NFATC2: variants seen among roughly 807,000 people sequenced by gnomAD.
NFATC2 encodes nuclear factor of activated T-cells, cytoplasmic 2.
NFATC2 carries 22 observed loss-of-function variants against 87.3 expected under a neutral mutation model. That is an observed-to-expected ratio of 0.25 (90% confidence interval 0.18 to 0.36). The LOEUF is 0.36. Ranked by LOEUF, NFATC2 falls within the 10% of genes least tolerant of loss-of-function variation. The probability of loss-of-function intolerance (pLI) is 1.00; values close to 1 mark genes in which losing one functional copy is unlikely to be tolerated. For synonymous variants in NFATC2, 565 were observed against 542.2 expected (o/e 1.04, Z -0.58); for missense variants, 1,149 against 1,259.1 (o/e 0.91, Z 1.32).
At chr20:51,508,260 C>A (rs533039941) in intron 3 of NFATC2, among the ~76,000 whole-genome samples, 2 of 152,220 alleles carry the variant, frequency 1.3e-5, no homozygotes, top group South Asian at 2.1e-4. Flanking sequence ...GGTCTCACCA[C>A]GCCACCTCTC....
chr20:51,479,986 A>T (rs1224316602), intron 3 of NFATC2, among the ~76,000 whole-genome samples: 1 of 152,128 alleles, frequency 6.6e-6, no homozygotes, highest in African/African-American at 2.4e-5. Flanking sequence ...AAGGTGCAAC[A>T]TCAAGAATGT....
At chr20:51,556,949 C>A (rs2076983736) in intron 1 of NFATC2, among the ~76,000 whole-genome samples, 1 of 152,196 alleles carries the variant, frequency 6.6e-6, no homozygotes, top group South Asian at 2.1e-4. Context: ...GGAAGAGATT[C>A]CCCTGACTCC....
At chr20:51,427,085 G>A (rs568080830) in intron 9 of NFATC2, among the ~76,000 whole-genome samples, 3 of 151,666 alleles carry the variant, frequency 2.0e-5, no homozygotes, top group South Asian at 2.1e-4. Context: ...TCCAGAACGG[G>A]GTAAAACATC....
rs937305938 is a variant in NFATC2 at position 51,430,139 on chromosome 20, T to C, written c.2722+1928A>G. Among the ~76,000 whole-genome samples, 3 of 152,126 alleles carry C rather than the reference T, an allele frequency of 2.0e-5. No homozygotes were observed. The South Asian group carries it at 6.2e-4, about 32-fold the overall frequency. ...CTCACCATTTGCCTTTAACAAGGGA[T>C]GGACAGGGTAGGAGAGGCCAGTGTG... On this transcript the variant is annotated intron_variant, in intron 9 of 10. Transcript: ENST00000371564.
At chr20:51,474,941 A>G (rs1188745357) in intron 4 of NFATC2, among the ~76,000 whole-genome samples, 3 of 151,862 alleles carry the variant, frequency 2.0e-5, no homozygotes, top group African/African-American at 7.3e-5. Context: ...CCCGAGGCAC[A>G]TGAAAATACT....
In NFATC2 at chr20:51,435,064, T is replaced by G. The variant is rs1393457607; in HGVS notation, c.2032+124A>C. On this transcript the variant is annotated intron_variant, in intron 8 of 10. Transcript: ENST00000371564. ...GATGCTGTCTCACAGATGATGCAAC[T>G]GAGGCTCAGAGAGGTTGAGTCATCT... The G allele has an allele frequency of 2.8e-5, 33 of 1,198,572 alleles. No homozygotes were observed. The South Asian group carries it at 4.3e-4, about 16-fold the overall frequency. 74.2% of individuals were successfully genotyped at this position (1,198,572 alleles called of 1,614,324 possible).
rs117607618 is a variant in NFATC2 at position 51,459,357 on chromosome 20, G to A, written c.1709-4669C>T. ...TATCAATCGGCCAGAACAGGCAAAC[G>A]CAGAGAGACGGAGAGCAGATCGGGG... On this transcript the variant is annotated intron_variant, in intron 5 of 10. Coordinates refer to ENST00000371564, the MANE Select transcript of NFATC2 (RefSeq NM_012340.5). Among the ~76,000 whole-genome samples, 57 of 152,268 alleles carry A rather than the reference G, an allele frequency of 3.7e-4. 2 individuals are homozygous for A. The East Asian group carries it at 7.9e-3, about 21-fold the overall frequency.
intron 6 of NFATC2, among the ~76,000 whole-genome samples, chr20:51,440,538 CT>C (rs1239715381): frequency 6.6e-6 from 1 of 152,182 alleles, no homozygotes; most frequent in Non-Finnish European, 1.5e-5. Flanking sequence ...CAAAGTGGGT[CT>C]TTTCACCATT....
At chr20:51,548,345 T>C (rs906420226) in intron 1 of NFATC2, among the ~76,000 whole-genome samples, 12 of 152,234 alleles carry the variant, frequency 7.9e-5, no homozygotes, top group African/African-American at 2.7e-4. Flanking sequence ...CTCACCCTGC[T>C]TCATGTTCCT....
chr20:51,462,913 T>C (rs1380199078), intron 5 of NFATC2, among the ~76,000 whole-genome samples: 2 of 152,182 alleles, frequency 1.3e-5, no homozygotes, highest in African/African-American at 2.4e-5. Context: ...CGCTACCCCA[T>C]GGGACCCTCT....
At chr20:51,396,004 G>A (rs191304135) in intron 10 of NFATC2, among the ~76,000 whole-genome samples, 64 of 135,842 alleles carry the variant, frequency 4.7e-4, no homozygotes, top group African/African-American at 1.7e-3. Context: ...GGCCAGGATT[G>A]ACCCAAGAGC....
chr20:51,530,182 T>G (rs2076610227), intron 1 of NFATC2, among the ~76,000 whole-genome samples: 1 of 152,166 alleles, frequency 6.6e-6, no homozygotes, highest in South Asian at 2.1e-4. Context: ...GTTTTTTGTT[T>G]TTTGAGACAG....
chr20:51,557,702 G>A (rs1312156892), intron 1 of NFATC2, among the ~76,000 whole-genome samples: 1 of 152,156 alleles, frequency 6.6e-6, no homozygotes, highest in African/African-American at 2.4e-5. Flanking sequence ...CAGCTTGTCC[G>A]AATGCTGTGG....
At chr20:51,559,117 G>A (rs1195544667) in intron 1 of NFATC2, among the ~76,000 whole-genome samples, 1 of 152,216 alleles carries the variant, frequency 6.6e-6, no homozygotes, top group Non-Finnish European at 1.5e-5. Flanking sequence ...TAGCCAGGAG[G>A]AGGGGTCCCT....
At chr20:51,392,372 C>T (rs1425865211) in intron 10 of NFATC2, among the ~76,000 whole-genome samples, 1 of 152,196 alleles carries the variant, frequency 6.6e-6, no homozygotes. Flanking sequence ...AGAGCAGTAA[C>T]AGTCACTGGC....
At chr20:51,478,390 A>C (rs1019704118) in intron 3 of NFATC2, among the ~76,000 whole-genome samples, 7 of 152,208 alleles carry the variant, frequency 4.6e-5, no homozygotes, top group African/African-American at 1.7e-4. Flanking sequence ...ATGGAGAGTG[A>C]GCCCTGATGA....
chr20:51,478,015 T>C (rs1399627222), intron 3 of NFATC2, among the ~76,000 whole-genome samples: 4 of 152,052 alleles, frequency 2.6e-5, no homozygotes, highest in African/African-American at 9.7e-5. Flanking sequence ...TCACAGAAAG[T>C]CCTATTGAAC....
chr20:51,393,923 C>A (rs543461989), intron 10 of NFATC2, among the ~76,000 whole-genome samples: 1 of 152,254 alleles, frequency 6.6e-6, no homozygotes, highest in South Asian at 2.1e-4. Flanking sequence ...AGTAGGGAAA[C>A]TTTTCAAACA....
chr20:51,451,929 C>G (rs920050785), intron 6 of NFATC2, among the ~76,000 whole-genome samples: 2 of 152,118 alleles, frequency 1.3e-5, no homozygotes, highest in Non-Finnish European at 2.9e-5. Flanking sequence ...TTGTATATTA[C>G]AATGTAATAA....
Sources: allele counts gnomAD v4.1 joint callset (sites outside exome capture counted in the v4.1 genomes callset), GRCh38; gene constraint gnomAD v4.1.1; transcripts MANE v1.5; gene names NCBI Gene and HGNC (gene_info 2026-07-23, HGNC 2026-07-21).